The following DNAJC13 variants were observed in gnomAD, a reference collection of about 807,000 sequenced individuals.
DNAJC13 encodes DnaJ heat shock protein family (Hsp40) member C13.
Under a neutral mutation model 290.5 loss-of-function variants are expected in DNAJC13, and 75 were observed. The observed-to-expected ratio is 0.26, with a 90% confidence interval of 0.21 to 0.31. The LOEUF is 0.31. Ranked by LOEUF, DNAJC13 falls within the 10% of genes least tolerant of loss-of-function variation. DNAJC13 has a pLI of 1.00. For missense variants in DNAJC13, 2,260 were observed against 2,674.5 expected (o/e 0.85, Z 3.42); for synonymous variants, 862 against 892.0 (o/e 0.97, Z 0.60).
intron 2 of DNAJC13, among the ~76,000 whole-genome samples, chr3:132,434,877 G>A (rs532134373): frequency 3.3e-5 from 5 of 152,202 alleles, no homozygotes; most frequent in Admixed American, 6.5e-5. Context: ...GTTAATCCAC[G>A]CTCTTGTATG....
chr3:132,531,236 A>C (rs568942143), intron 55 of DNAJC13, 139 bp downstream of exon 55: 1 of 672,268 alleles, frequency 1.5e-6, no homozygotes, highest in Admixed American at 2.5e-5. Context: ...TGCTATGAGC[A>C]TGTAGTAGAC....
intron 41 of DNAJC13, 50 bp downstream of exon 41, chr3:132,503,431 T>G: frequency 7.5e-6 from 12 of 1,602,440 alleles, no homozygotes; most frequent in Non-Finnish European, 1.0e-5. Flanking sequence ...GCAAGATCCT[T>G]TAAGCAGTAA....
At chr3:132,481,578 C>G (rs1423778789) in intron 26 of DNAJC13, among the ~76,000 whole-genome samples, 1 of 152,074 alleles carries the variant, frequency 6.6e-6, no homozygotes, top group East Asian at 1.9e-4. Flanking sequence ...AAGACCCTGT[C>G]TCAAAAAAGA....
intron 27 of DNAJC13, among the ~76,000 whole-genome samples, 182 bp from the exon 28 acceptor site, chr3:132,483,192 GT>G (rs915273378): frequency 1.3e-5 from 2 of 150,898 alleles, no homozygotes; most frequent in Admixed American, 6.6e-5. Flanking sequence ...GGGTTTTTTG[GT>G]TTTTTTTTGT....
intron 48 of DNAJC13, among the ~76,000 whole-genome samples, chr3:132,522,203 G>A (rs953328661): frequency 1.3e-5 from 2 of 152,130 alleles, no homozygotes; most frequent in Non-Finnish European, 2.9e-5. Context: ...AGAGATAAAC[G>A]TGACGATCTG....
At chr3:132,509,201 A>G (rs982762143) in intron 43 of DNAJC13, among the ~76,000 whole-genome samples, 2 of 152,208 alleles carry the variant, frequency 1.3e-5, no homozygotes, top group African/African-American at 2.4e-5. Flanking sequence ...GATTCATGGG[A>G]GGAGGTAAAA....
At position 132,523,571 on chromosome 3, in the gene DNAJC13, A is replaced by C; in HGVS notation, c.5918A>C (p.Glu1973Ala). 6.2e-7 allele frequency: 1 copy of C among 1,613,902 alleles called. No homozygotes were observed. The highest frequency in any genetic ancestry group is 1.1e-5 in the South Asian group (1 of 91,020). ...LPEDFAVVFG[E>A]AEGELAVGGV... is the part of the protein sequence containing the mutation. The stretch of plus-strand genomic sequence containing the variant: ...GAAGATTTTGCTGTGGTGTTTGGAG[A>C]AGCAGAGGGTGAACTTGCTGTTGGA... The change falls in exon 51 of 56, where the codon GAA becomes GCA. Residue 1973 changes from glutamate to alanine, a missense_variant. Transcript: ENST00000260818.
chr3:132,497,782 A>G (rs1935282101), intron 36 of DNAJC13, among the ~76,000 whole-genome samples: 1 of 152,132 alleles, frequency 6.6e-6, no homozygotes, highest in African/African-American at 2.4e-5. Flanking sequence ...TTTATACCCA[A>G]GAAGCTCTGA....
At chr3:132,428,780 G>A (rs1576454344) in intron 1 of DNAJC13, among the ~76,000 whole-genome samples, 5 of 152,188 alleles carry the variant, frequency 3.3e-5, no homozygotes, top group African/African-American at 1.2e-4. Flanking sequence ...TGTCAGCCCG[G>A]ATGGAGCGCA....
At chr3:132,427,503 GT>G (rs1366749424) in intron 1 of DNAJC13, among the ~76,000 whole-genome samples, 3 of 152,114 alleles carry the variant, frequency 2.0e-5, no homozygotes, top group African/African-American at 7.2e-5. Flanking sequence ...AATAATGACA[GT>G]AACAATAATA....
At chr3:132,497,209 G>A (rs941203245) in intron 36 of DNAJC13, among the ~76,000 whole-genome samples, 6 of 152,220 alleles carry the variant, frequency 3.9e-5, no homozygotes, top group Non-Finnish European at 7.3e-5. Context: ...TGAAATAGGT[G>A]TAATTTCAGA....
chr3:132,523,096 A>G (rs778791197), intron 49 of DNAJC13, 61 bp from the exon 50 acceptor site: 1 of 1,609,470 alleles, frequency 6.2e-7, no homozygotes, highest in Non-Finnish European at 8.5e-7. Flanking sequence ...AACTTATGCT[A>G]AAGGTTAATG....
chr3:132,524,675 T>A (rs1454472281), intron 51 of DNAJC13, among the ~76,000 whole-genome samples: 1 of 152,268 alleles, frequency 6.6e-6, no homozygotes, highest in Admixed American at 6.5e-5. Flanking sequence ...CAATAGGATT[T>A]CTACTACATA....
At chr3:132,427,550 A>G (rs998841711) in intron 1 of DNAJC13, among the ~76,000 whole-genome samples, 2 of 152,220 alleles carry the variant, frequency 1.3e-5, no homozygotes, top group Non-Finnish European at 2.9e-5. Context: ...AGTTTAAGAA[A>G]TATATATTGT....
At chr3:132,523,277 C>A in intron 50 of DNAJC13, 78 bp downstream of exon 50, 1 of 1,471,718 alleles carries the variant, frequency 6.8e-7, no homozygotes, top group Non-Finnish European at 9.5e-7. Flanking sequence ...AGTTTAATGC[C>A]GACCTATAAC....
chr3:132,419,139 A>G (rs1938883203), intron 1 of DNAJC13, among the ~76,000 whole-genome samples: 1 of 152,242 alleles, frequency 6.6e-6, no homozygotes, highest in South Asian at 2.1e-4. Flanking sequence ...AGAAATTATT[A>G]CATTATACTC....
Position 132,478,077 on chromosome 3 carries a change from C to G in DNAJC13, c.2646C>G (p.Gly882=). The part of the protein sequence containing the change: ...LCLQALAIVY[G]RCHEEIGPFT... ...TACAAGCCCTTGCTATTGTTTATGG[C>G]AGATGTCACGAAGAAATAGGACCTT... The change falls in exon 24 of 56, where the codon GGC becomes GGG. Residue 882 remains glycine, a synonymous_variant. Transcript: ENST00000260818. 1 of 1,613,346 alleles carries G rather than the reference C, an allele frequency of 6.2e-7. No homozygotes were observed. Among genetic ancestry groups the G allele is most frequent in the Non-Finnish European group, 8.5e-7 (1 of 1,179,714 alleles).
intron 9 of DNAJC13, 50 bp from the exon 10 acceptor site, chr3:132,456,185 C>G (rs746503028): frequency 6.4e-7 from 1 of 1,561,638 alleles, no homozygotes; most frequent in South Asian, 1.2e-5. Flanking sequence ...GATCAAAATT[C>G]CCCTTAATCA....
At chr3:132,470,659 C>CG (rs1478571776) in intron 20 of DNAJC13, among the ~76,000 whole-genome samples, 3 of 81,544 alleles carry the variant, frequency 3.7e-5, no homozygotes, top group Non-Finnish European at 7.7e-5. Flanking sequence ...GCTGGCCGGG[C>CG]GGGGGGCCGA....
Sources: gnomAD v4.1 joint callset for allele counts (sites outside exome capture counted in the v4.1 genomes callset) on GRCh38, gnomAD v4.1.1 for gene constraint, MANE v1.5 for transcripts, NCBI Gene and HGNC (gene_info 2026-07-23, HGNC 2026-07-21) for gene names.